Variants in PDE4D observed in about 807,000 individuals in gnomAD.
The protein encoded by PDE4D is phosphodiesterase 4D.
Under a neutral mutation model 87.4 loss-of-function variants are expected in PDE4D, and 24 were observed. The ratio of observed to expected loss-of-function variants is 0.27; its 90% CI spans 0.20 to 0.39. The LOEUF is 0.39. Among genes scored for constraint, PDE4D ranks in the 10% least tolerant of loss-of-function variants. PDE4D has a pLI of 1.00. For synonymous variants in PDE4D, 384 were observed against 383.2 expected, an observed-to-expected ratio of 1.00 and a Z score of -0.02; for missense variants, 714 against 1,041.0, an observed-to-expected ratio of 0.69 and a Z score of 4.32.
chr5:60,130,775 C>T (rs778091093), intron 2 of PDE4D, among the ~76,000 whole-genome samples: 7 of 152,250 alleles, frequency 4.6e-5, no homozygotes, highest in Middle Eastern at 6.8e-3. Context: ...CAGACCATCA[C>T]ATTGAGCTTT....
intron 1 of PDE4D, among the ~76,000 whole-genome samples, chr5:59,883,541 A>G (rs919087028): frequency 1.3e-5 from 2 of 152,230 alleles, no homozygotes; most frequent in African/African-American, 4.8e-5. Context: ...CACAGTTATA[A>G]GAAACATTTA....
At position 60,311,018 on chromosome 5, in the gene PDE4D, CTTT is replaced by C. The variant is rs67263352; in HGVS notation, c.-89-125334_-89-125332del. Among the ~76,000 whole-genome samples the C allele has an allele frequency of 2.6e-4, 36 of 139,634 alleles. No individual in the cohort carries two copies. The South Asian group carries it at 4.5e-3, about 18-fold the overall frequency. The allele number at this position is 139,634 out of a possible 152,430, so 91.6% of individuals were successfully genotyped here. On this transcript the variant is annotated intron_variant, in intron 1 of 16. Transcript: ENST00000502484. ...CTGAGTCCAACTCATTAAAATAAGT[CTTT>C]TTTTTTTTTTTTTGAGGTGGAGTTT...
At chr5:59,532,758 C>A (rs1177996384) in intron 1 of PDE4D, among the ~76,000 whole-genome samples, 3 of 152,178 alleles carry the variant, frequency 2.0e-5, no homozygotes, top group African/African-American at 4.8e-5. Context: ...ATGGGAAAAT[C>A]TTAAAGCATG....
Position 59,616,921 on chromosome 5 carries a change from A to ATATATACATATATATATATATG in PDE4D, c.455+276246_455+276247insCATATATATATATATGTATATA, listed in dbSNP as rs1829754145. ...TATTACTTAGACCTAATAATTACAT[A>ATATATACATATATATATATATG]TATATATATATATATATATATATAT... On this transcript the variant is annotated intron_variant, in intron 1 of 14. Coordinates refer to ENST00000340635, the MANE Select transcript of PDE4D (RefSeq NM_001104631.2). Among the ~76,000 whole-genome samples the ATATATACATATATATATATATG allele has an allele frequency of 1.7e-5, 2 of 115,562 alleles. 1 individual carries two copies. The highest frequency in any genetic ancestry group is 3.5e-5 in the Non-Finnish European group (2 of 56,628). 75.8% of individuals were successfully genotyped at this position (115,562 alleles called of 152,430 possible).
intron 1 of PDE4D, among the ~76,000 whole-genome samples, chr5:59,777,649 T>G (rs4699942): frequency 0.49 from 74,561 of 151,996 alleles, 19,340 homozygotes; most frequent in African/African-American, 0.63. Context: ...ATTATGTAGG[T>G]ATTGATGGCT....
At chr5:59,637,228 T>C (rs182657092) in intron 1 of PDE4D, among the ~76,000 whole-genome samples, 1 of 152,234 alleles carries the variant, frequency 6.6e-6, no homozygotes, top group Admixed American at 6.5e-5. Flanking sequence ...TGACGATCAT[T>C]AAAAAGTCAG....
intron 1 of PDE4D, among the ~76,000 whole-genome samples, chr5:59,740,370 TA>T (rs1257697828): frequency 1.3e-5 from 2 of 152,306 alleles, no homozygotes; most frequent in African/African-American, 4.8e-5. Flanking sequence ...ATTTTTGTTC[TA>T]AAAGGGAAAA....
At chr5:59,051,746 C>T (rs146425475) in intron 5 of PDE4D, among the ~76,000 whole-genome samples, 1 of 152,326 alleles carries the variant, frequency 6.6e-6, no homozygotes, top group African/African-American at 2.4e-5. Flanking sequence ...ACAACTATCA[C>T]CTCTTGAAGA....
At chr5:59,237,303 G>A (rs1365654778) in intron 1 of PDE4D, among the ~76,000 whole-genome samples, 2 of 152,022 alleles carry the variant, frequency 1.3e-5, no homozygotes, top group South Asian at 2.1e-4. Flanking sequence ...TTGAGGTTGG[G>A]GGTCTCCATA....
chr5:60,106,138 G>C (rs574543327), intron 2 of PDE4D, among the ~76,000 whole-genome samples: 1 of 151,658 alleles, frequency 6.6e-6, no homozygotes, highest in Non-Finnish European at 1.5e-5. Context: ...ACACACATAG[G>C]CTCAAAATAA....
chr5:59,639,777 A>G lies in PDE4D; in HGVS notation c.455+253391T>C, dbSNP rs146865247. ...CAATTTGGTTTTACAGGAGTTCATA[A>G]TATCACCCCTGCCAATTTTAAATAT... On this transcript the variant is annotated intron_variant, in intron 1 of 14. Transcript: ENST00000340635. Among the ~76,000 whole-genome samples the G allele has an allele frequency of 4.0e-5, 6 of 151,476 alleles. No individual in the cohort carries two copies. The East Asian group carries it at 1.2e-3, about 29-fold the overall frequency.
In PDE4D at chr5:60,106,138, G is replaced by T. The variant is rs574543327; in HGVS notation, c.42+79419C>A. ...ATCTCACGTGCAGAGACACACATAGGCTCAAAATAAAAGGATGGAGGAAGA... is the reference window on the plus strand; with the variant it reads ...ATCTCACGTGCAGAGACACACATAGTCTCAAAATAAAAGGATGGAGGAAGA... On this transcript the variant is annotated intron_variant, in intron 2 of 16. Transcript: ENST00000502484. Among the ~76,000 whole-genome samples, 80 of 151,776 alleles carry T rather than the reference G, an allele frequency of 5.3e-4. 1 individual carries two copies. Among genetic ancestry groups the T allele is most frequent in the Admixed American group, 5.2e-3 (79 of 15,244 alleles).
intron 1 of PDE4D, among the ~76,000 whole-genome samples, chr5:60,517,317 T>C (rs1360766810): frequency 1.3e-5 from 2 of 152,192 alleles, no homozygotes; most frequent in East Asian, 3.9e-4. Context: ...AGCAGGTTGA[T>C]GGCAGCGGGA....
chr5:59,630,808 T>C (rs1831469229), intron 1 of PDE4D, among the ~76,000 whole-genome samples: 1 of 152,176 alleles, frequency 6.6e-6, no homozygotes. Context: ...GGCCTGCACG[T>C]GTCTGTTAGC....
intron 1 of PDE4D, among the ~76,000 whole-genome samples, chr5:59,442,649 T>C (rs1434258307): frequency 6.6e-6 from 1 of 152,214 alleles, no homozygotes; most frequent in African/African-American, 2.4e-5. Context: ...ACATTCTACC[T>C]TCTCTTAGGA....
chr5:59,257,203 A>G (rs1761139587), intron 1 of PDE4D, among the ~76,000 whole-genome samples: 1 of 152,086 alleles, frequency 6.6e-6, no homozygotes, highest in African/African-American at 2.4e-5. Context: ...ACTTGCATAC[A>G]TGAGGAAAAT....
At chr5:59,819,522 C>T (rs1188254497) in intron 1 of PDE4D, among the ~76,000 whole-genome samples, 7 of 152,254 alleles carry the variant, frequency 4.6e-5, no homozygotes, top group Admixed American at 1.3e-4. Context: ...GTTATTTCTA[C>T]GTGATAACGT....
intron 1 of PDE4D, among the ~76,000 whole-genome samples, chr5:60,459,386 T>C (rs1221143990): frequency 1.3e-5 from 2 of 152,184 alleles, no homozygotes; most frequent in Admixed American, 6.5e-5. Context: ...TTTTGTTTTT[T>C]AGTTTTTTTC....
chr5:59,119,349 ATATATTG>A (rs1395900653), intron 5 of PDE4D, among the ~76,000 whole-genome samples: 5 of 152,212 alleles, frequency 3.3e-5, no homozygotes, highest in African/African-American at 1.2e-4. Context: ...TATGCTCTCT[ATATATTG>A]TATAGGGGCT....
Sources: gnomAD v4.1 joint callset for allele counts (sites outside exome capture counted in the v4.1 genomes callset) on GRCh38, gnomAD v4.1.1 for gene constraint, MANE v1.5 for transcripts, NCBI Gene and HGNC (gene_info 2026-07-23, HGNC 2026-07-21) for gene names.